Variants in PAAF1 observed in about 807,000 individuals in gnomAD.
PAAF1 encodes the protein proteasomal ATPase-associated factor 1.
In PAAF1, 46 loss-of-function variants were observed where a neutral mutation model predicts 52.8. The ratio of observed to expected loss-of-function variants is 0.87; its 90% CI spans 0.69 to 1.11. The LOEUF (loss-of-function observed/expected upper bound fraction) is 1.11, where lower values mean the gene tolerates loss of function less well. Ranked by LOEUF, PAAF1 falls within the 50% of genes most tolerant of loss-of-function variation. PAAF1 has a pLI of 0.00. For missense variants in PAAF1, 424 were observed against 477.4 expected (o/e 0.89, Z 1.04); for synonymous variants, 178 against 172.8 (o/e 1.03, Z -0.24).
At chr11:73,906,710 A>C (rs1189090811) in intron 6 of PAAF1, among the ~76,000 whole-genome samples, 1 of 152,220 alleles carries the variant, frequency 6.6e-6, no homozygotes, top group Non-Finnish European at 1.5e-5. Context: ...TTTCTAAACA[A>C]AGTGAAATTT....
chr11:73,878,838 A>G lies in PAAF1; in HGVS notation c.88+19A>G. The G allele has an allele frequency of 3.1e-6, 5 of 1,610,726 alleles. No individual in the cohort carries two copies. The highest frequency in any genetic ancestry group is 3.4e-6 in the Non-Finnish European group (4 of 1,177,418). Reference sequence around the variant, plus strand: ...CCCCCAGGTAATACCCATGAATTATATATGCTGTGACTTTAAAGGAGAAGG... The same window carrying G: ...CCCCCAGGTAATACCCATGAATTATGTATGCTGTGACTTTAAAGGAGAAGG... On this transcript the variant is annotated intron_variant, in intron 2 of 11. Transcript: ENST00000310571.
intron 10 of PAAF1, chr11:73,921,709 G>T: frequency 1.1e-6 from 1 of 949,656 alleles, no homozygotes; most frequent in Non-Finnish European, 1.7e-6. Flanking sequence ...CACAAAACAA[G>T]TCCACCACTT....
chr11:73,922,437 T>G (rs187913162), intron 10 of PAAF1, among the ~76,000 whole-genome samples: 57 of 152,238 alleles, frequency 3.7e-4, no homozygotes, highest in Admixed American at 3.1e-3. Context: ...CTTAAGGTAG[T>G]GGGCACCCCT....
Position 73,885,712 on chromosome 11 carries a change from C to T in PAAF1, c.89-1642C>T, listed in dbSNP as rs751786529. Among the ~76,000 whole-genome samples, 40 of 151,704 alleles carry T rather than the reference C, an allele frequency of 2.6e-4. 1 individual carries two copies. The highest frequency in any genetic ancestry group is 4.1e-4 in the Non-Finnish European group (28 of 67,924). On this transcript the variant is annotated intron_variant, in intron 2 of 11. Transcript: ENST00000310571. ...CAAAAATTAGCCAGGTGTGGTGGCA[C>T]GTGCCTTTAATCCCAGGTACTTGGG...
intron 4 of PAAF1, among the ~76,000 whole-genome samples, chr11:73,898,242 GA>G: frequency 1.4e-5 from 2 of 146,438 alleles, no homozygotes; most frequent in South Asian, 2.1e-4. Flanking sequence ...GGGAGAGGGA[GA>G]GGGAGAAGGA....
chr11:73,915,682 T>G (rs992915260), intron 8 of PAAF1, among the ~76,000 whole-genome samples: 1 of 152,204 alleles, frequency 6.6e-6, no homozygotes, highest in Admixed American at 6.5e-5. Flanking sequence ...TCTTCCTACA[T>G]CCTCTGAATT....
chr11:73,911,416 C>T lies in PAAF1; in HGVS notation c.727+1823C>T, dbSNP rs1373451149. Among the ~76,000 whole-genome samples, 41 of 151,584 alleles carry T rather than the reference C, an allele frequency of 2.7e-4. 2 individuals carry two copies. The highest frequency in any genetic ancestry group is 2.7e-3 in the Admixed American group (41 of 15,212). Reference sequence around the variant, plus strand: ...CAGGCTGGTGTTGAACTCATGGCCTCAAGTGATTCTCCCATCTTAGCCTCC... The same window carrying T: ...CAGGCTGGTGTTGAACTCATGGCCTTAAGTGATTCTCCCATCTTAGCCTCC... On this transcript the variant is annotated intron_variant, in intron 7 of 11. Transcript: ENST00000310571.
chr11:73,914,320 C>G, intron 7 of PAAF1, 93 bp from the exon 8 acceptor site: 1 of 1,033,636 alleles, frequency 9.7e-7, no homozygotes, highest in South Asian at 1.3e-5. Context: ...GAATCGCTAA[C>G]AAAATCAGTA....
intron 3 of PAAF1, 107 bp from the exon 4 acceptor site, chr11:73,891,005 G>A (rs1487226375): frequency 1.5e-6 from 1 of 679,030 alleles, no homozygotes; most frequent in African/African-American, 1.8e-5. Flanking sequence ...AGGGTACACT[G>A]AGAAGATGAG....
intron 8 of PAAF1, 62 bp from the exon 9 acceptor site, chr11:73,916,483 C>G (rs557109813): frequency 1.4e-5 from 15 of 1,082,452 alleles, no homozygotes; most frequent in African/African-American, 3.2e-5. Flanking sequence ...TTTTTGGTGC[C>G]TGTTTATTCT....
chr11:73,892,816 G>A (rs879380497), intron 4 of PAAF1, among the ~76,000 whole-genome samples: 38 of 152,060 alleles, frequency 2.5e-4, no homozygotes, highest in East Asian at 7.7e-4. Flanking sequence ...CTGCCACCAC[G>A]CCCGGCTAAT....
intron 11 of PAAF1, among the ~76,000 whole-genome samples, chr11:73,925,520 C>T (rs568856238): frequency 1.9e-4 from 28 of 150,122 alleles, no homozygotes; most frequent in African/African-American, 6.9e-4. Flanking sequence ...AACTTAAAAA[C>T]TTACTTTACC....
chr11:73,891,716 A>T (rs1238038292), intron 4 of PAAF1, among the ~76,000 whole-genome samples: 1 of 152,206 alleles, frequency 6.6e-6, no homozygotes, highest in Non-Finnish European at 1.5e-5. Flanking sequence ...TGGAGGCTGC[A>T]GTGAGCTGAG....
chr11:73,926,581 T>C (rs1950366205), intron 11 of PAAF1, among the ~76,000 whole-genome samples: 1 of 151,888 alleles, frequency 6.6e-6, no homozygotes, highest in African/African-American at 2.4e-5. Flanking sequence ...TGGTGGTGGG[T>C]GTGTGTAGTC....
intron 7 of PAAF1, among the ~76,000 whole-genome samples, chr11:73,910,969 G>T (rs1949913293): frequency 7.1e-6 from 1 of 140,786 alleles, no homozygotes; most frequent in Non-Finnish European, 1.5e-5. Flanking sequence ...CAGCCCAGGC[G>T]ACAGTGTGAG....
At position 73,924,626 on chromosome 11, in the gene PAAF1, T is replaced by A; in HGVS notation, c.1030T>A (p.Cys344Ser). Residue 344 changes from cysteine (C) to serine (S), a missense_variant, in exon 11 of 12, where the codon TGT becomes AGT. Transcript: ENST00000310571. Reference sequence around the variant, plus strand: ...TTTCTGCCTTTCAGGTGATGGAAGCTGTTTTATTGTCCAGCAAGACTTAGA... The same window carrying A: ...TTTCTGCCTTTCAGGTGATGGAAGCAGTTTTATTGTCCAGCAAGACTTAGA... ...GFIASQGDGSCFIVQQDLDYV... is the reference protein window; with the variant it reads ...GFIASQGDGSSFIVQQDLDYV... 1 of 1,613,938 alleles carries A rather than the reference T, an allele frequency of 6.2e-7. No homozygotes were observed. The highest frequency in any genetic ancestry group is 8.5e-7 in the Non-Finnish European group (1 of 1,179,846).
rs144534581 is a variant in PAAF1, at chr11:73,878,800, G to C, written c.69G>C (p.Trp23Cys). 6.8e-6 allele frequency: 11 copies of C among 1,613,250 alleles called. No individual in the cohort carries two copies. In the African/African-American group the frequency reaches 1.5e-4, roughly 22 times the overall value. Residue 23 changes from tryptophan to cysteine, a missense_variant, in exon 2 of 12, where the codon TGG becomes TGC. Transcript: ENST00000310571. Reference sequence around the variant, plus strand: ...GTAGGAAGGATGAAGGGGAGGCCTGGCTGAGCTGTCATCCCCCAGGTAATA... The same window carrying C: ...GTAGGAAGGATGAAGGGGAGGCCTGCCTGAGCTGTCATCCCCCAGGTAATA... ...QALRKDEGEAWLSCHPPGKPS... is the reference protein window; with the variant it reads ...QALRKDEGEACLSCHPPGKPS...
intron 4 of PAAF1, among the ~76,000 whole-genome samples, chr11:73,896,989 C>T (rs1403062960): frequency 7.3e-6 from 1 of 136,088 alleles, no homozygotes; most frequent in East Asian, 2.2e-4. Context: ...CTGACCCCCC[C>T]ACCTCCCTCC....
chr11:73,876,925 C>T (rs944406780), upstream of PAAF1: 8 of 1,231,556 alleles, frequency 6.5e-6, no homozygotes, highest in Middle Eastern at 2.9e-4. Flanking sequence ...TTGGTGGCCT[C>T]TTGGTGTTGA....
Sources: gnomAD v4.1 joint callset for allele counts (sites outside exome capture counted in the v4.1 genomes callset) on GRCh38, gnomAD v4.1.1 for gene constraint, MANE v1.5 for transcripts, NCBI Gene and HGNC (gene_info 2026-07-23, HGNC 2026-07-21) for gene names.